JUP: variants seen among roughly 807,000 people sequenced by gnomAD.
The protein encoded by JUP is junction plakoglobin, also known as catenin (cadherin-associated protein), gamma 80kDa.
Under a neutral mutation model 71.1 loss-of-function variants are expected in JUP, and 28 were observed. That is an observed-to-expected ratio of 0.39 (90% confidence interval 0.29 to 0.54). The LOEUF (loss-of-function observed/expected upper bound fraction) is 0.54. JUP is among the 20% of genes least tolerant of loss of function. The probability of loss-of-function intolerance (pLI) is 0.62; values close to 1 mark genes in which losing one functional copy is unlikely to be tolerated. For synonymous variants in JUP, 401 were observed against 438.9 expected, an observed-to-expected ratio of 0.91 and a Z score of 1.08; for missense variants, 869 against 1,030.1, an observed-to-expected ratio of 0.84 and a Z score of 2.14.
chr17:41,757,619 C>T lies in JUP; in HGVS notation c.1924+15G>A. 6.2e-7 allele frequency: 1 copy of T among 1,613,844 alleles called. No individual in the cohort carries two copies. The highest frequency in any genetic ancestry group is 8.5e-7 in the Non-Finnish European group (1 of 1,179,876). ...GGGGGAGTGGGACCCAGCCTCCTGCCCTCCCCCAGCTCACCAGTGCCCTCG... is the reference window on the plus strand; with the variant it reads ...GGGGGAGTGGGACCCAGCCTCCTGCTCTCCCCCAGCTCACCAGTGCCCTCG... On this transcript the variant is annotated intron_variant, in intron 11 of 13. Transcript: ENST00000393931.
intron 8 of JUP, among the ~76,000 whole-genome samples, chr17:41,762,144 A>C (rs1555601488): frequency 9.1e-6 from 1 of 109,304 alleles, no homozygotes; most frequent in East Asian, 2.4e-4. Flanking sequence ...AGAGAGAGAG[A>C]GAGAGAGAGA....
intron 1 of JUP, among the ~76,000 whole-genome samples, chr17:41,783,285 G>A (rs1209601197): frequency 3.5e-5 from 3 of 85,178 alleles, no homozygotes; most frequent in Admixed American, 4.1e-4. Flanking sequence ...AATGATACGC[G>A]TTTTTTTTGT....
chr17:41,755,993 C>A, intron 13 of JUP, 98 bp from the exon 14 acceptor site: 1 of 1,417,876 alleles, frequency 7.1e-7, no homozygotes, highest in Non-Finnish European at 9.4e-7. Flanking sequence ...CCATGCCCAC[C>A]CCTGGTGGGC....
At chr17:41,784,311 G>A (rs902961107) in intron 1 of JUP, among the ~76,000 whole-genome samples, 1 of 152,096 alleles carries the variant, frequency 6.6e-6, no homozygotes, top group African/African-American at 2.4e-5. Flanking sequence ...GTGCAAGGGA[G>A]GGGTGGAGTG....
At position 41,764,719 on chromosome 17, in the gene JUP, G is replaced by A. The variant is rs782386210; in HGVS notation, c.1152C>T (p.Thr384=). Residue 384 remains threonine, a synonymous_variant, in exon 7 of 14, where the codon ACC becomes ACT. Transcript: ENST00000393931. ...WTLRNLSDVA[T]KQEGLESVLK... is the part of the protein sequence containing the mutation. ...GCCCAGATACCTCCCTCACCTGCTTGGTGGCCACATCTGAGAGGTTGCGCA... is the reference window on the plus strand; with the variant it reads ...GCCCAGATACCTCCCTCACCTGCTTAGTGGCCACATCTGAGAGGTTGCGCA... The A allele has an allele frequency of 1.2e-5, 19 of 1,612,472 alleles. 1 individual carries two copies. The South Asian group carries it at 2.1e-4, about 18-fold the overall frequency.
At chr17:41,773,755 G>A (rs868938463) in intron 1 of JUP, among the ~76,000 whole-genome samples, 2 of 152,146 alleles carry the variant, frequency 1.3e-5, no homozygotes, top group African/African-American at 2.4e-5. Context: ...TGAGCTCCTC[G>A]TGCTGTGCCG....
At chr17:41,784,388 AC>A (rs1555611206) in intron 1 of JUP, among the ~76,000 whole-genome samples, 1 of 151,972 alleles carries the variant, frequency 6.6e-6, no homozygotes, top group African/African-American at 2.4e-5. Context: ...ACTGGGTCCT[AC>A]CTTCTCCTCC....
intron 12 of JUP, among the ~76,000 whole-genome samples, chr17:41,756,464 G>T (rs1342214432): frequency 6.6e-6 from 1 of 152,170 alleles, no homozygotes; most frequent in Non-Finnish European, 1.5e-5. Context: ...GCTGGGCGTG[G>T]TGGTGCAGGC....
At chr17:41,760,165 A>T (rs1366326355) in intron 8 of JUP, among the ~76,000 whole-genome samples, 2 of 151,570 alleles carry the variant, frequency 1.3e-5, no homozygotes, top group Non-Finnish European at 2.9e-5. Context: ...TCTGTCTCAA[A>T]AATAATAATA....
At chr17:41,778,263 G>A (rs1318774844) in intron 1 of JUP, among the ~76,000 whole-genome samples, 2 of 152,070 alleles carry the variant, frequency 1.3e-5, no homozygotes, top group Non-Finnish European at 2.9e-5. Flanking sequence ...ATAAAGTTTT[G>A]GCTAAAATCT....
In JUP at chr17:41,763,199, C is replaced by A. The variant is rs373544304; in HGVS notation, c.1281G>T (p.Thr427=). The change falls in exon 8 of 14, where the codon ACG becomes ACT. Residue 427 remains threonine, a synonymous_variant. Transcript: ENST00000393931. ...NLTCNNSKNK[T]LVTQNSGVEA... is the part of the protein sequence containing the mutation. Reference sequence around the variant, plus strand: ...CCACACCGCTGTTCTGTGTCACCAGCGTCTTGTTCTTGCTGTTGTTGCATG... The same window carrying A: ...CCACACCGCTGTTCTGTGTCACCAGAGTCTTGTTCTTGCTGTTGTTGCATG... 1.2e-5 allele frequency: 19 copies of A among 1,614,104 alleles called. No individual in the cohort carries two copies. Among genetic ancestry groups the A allele is most frequent in the Non-Finnish European group, 1.4e-5 (16 of 1,180,046 alleles).
chr17:41,763,373 G>A, intron 7 of JUP, 52 bp from the exon 8 acceptor site: 1 of 1,390,818 alleles, frequency 7.2e-7, no homozygotes. Context: ...ACTCCAGGGA[G>A]CCTTCTCGAA....
Position 41,757,502 on chromosome 17 carries a change from G to C in JUP, c.1959C>G (p.Ser653=). The C allele has an allele frequency of 9.3e-6, 15 of 1,614,196 alleles. No homozygotes were observed. The highest frequency in any genetic ancestry group is 1.7e-5 in the Admixed American group (1 of 60,022). Residue 653 remains serine, a synonymous_variant, in exon 12 of 14, where the codon TCC becomes TCG. Transcript: ENST00000393931. ...TYAAAVLFRI[S]EDKNPDYRKR... ...TCCGGTAGTCTGGGTTCTTGTCCTCGGAGATGCGGAACAGGACGGCAGCAG... is the reference window on the plus strand; with the variant it reads ...TCCGGTAGTCTGGGTTCTTGTCCTCCGAGATGCGGAACAGGACGGCAGCAG...
At chr17:41,770,110 C>A (rs1916420986) in intron 2 of JUP, among the ~76,000 whole-genome samples, 1 of 152,164 alleles carries the variant, frequency 6.6e-6, no homozygotes, top group Admixed American at 6.5e-5. Context: ...TCCTCCCTTA[C>A]CCATCAGGTC....
At chr17:41,756,289 G>A in intron 12 of JUP, 75 bp from the exon 13 acceptor site, 1 of 1,451,622 alleles carries the variant, frequency 6.9e-7, no homozygotes. Context: ...CTGGTGGGCA[G>A]GGAGAGATGC....
intron 1 of JUP, among the ~76,000 whole-genome samples, chr17:41,783,290 T>C (rs2047264393): frequency 1.2e-5 from 1 of 82,668 alleles, no homozygotes. Context: ...TACGCGTTTT[T>C]TTTGTTTTTT....
intron 1 of JUP, among the ~76,000 whole-genome samples, chr17:41,784,292 G>A (rs947073607): frequency 5.3e-5 from 8 of 152,060 alleles, no homozygotes; most frequent in African/African-American, 1.7e-4. Flanking sequence ...GGAATGGGGT[G>A]GAGCCAGGGT....
chr17:41,773,256 AG>A (rs1916936209), intron 1 of JUP, among the ~76,000 whole-genome samples: 1 of 152,182 alleles, frequency 6.6e-6, no homozygotes, highest in Admixed American at 6.5e-5. Flanking sequence ...GCCCCACCCC[AG>A]GAACAAAGAT....
chr17:41,767,340 G>A (rs782277472), intron 5 of JUP, 39 bp downstream of exon 5: 5 of 1,568,762 alleles, frequency 3.2e-6, no homozygotes, highest in Non-Finnish European at 3.5e-6. Context: ...ATGGCGCAAG[G>A]GTGGGCTTCA....
Sources: allele counts gnomAD v4.1 joint callset (sites outside exome capture counted in the v4.1 genomes callset), GRCh38; gene constraint gnomAD v4.1.1; transcripts MANE v1.5; gene names NCBI Gene and HGNC (gene_info 2026-07-23, HGNC 2026-07-21).